The following SLC51B variants were observed in gnomAD, a reference collection of about 807,000 sequenced individuals.
The protein encoded by SLC51B is SLC51 subunit beta.
In SLC51B, 6 loss-of-function variants were observed where a neutral mutation model predicts 8.0. That is an observed-to-expected ratio of 0.75 (90% confidence interval 0.41 to 1.48). The LOEUF is 1.48. Among genes scored for constraint, SLC51B ranks in the 40% most tolerant of loss-of-function variants. The pLI is 0.01. For synonymous variants in SLC51B, 61 were observed against 54.8 expected, an observed-to-expected ratio of 1.11 and a Z score of -0.50; for missense variants, 150 against 149.7, an observed-to-expected ratio of 1.00 and a Z score of -0.01.
chr15:65,050,464 C>T (rs2086635798), intron 2 of SLC51B, among the ~76,000 whole-genome samples: 1 of 152,122 alleles, frequency 6.6e-6, no homozygotes, highest in South Asian at 2.1e-4. Flanking sequence ...ACGCATAGTG[C>T]GTTGGTGATG....
At chr15:65,051,839 A>T (rs1453767604) in intron 3 of SLC51B, among the ~76,000 whole-genome samples, 1 of 152,216 alleles carries the variant, frequency 6.6e-6, no homozygotes, top group Non-Finnish European at 1.5e-5. Flanking sequence ...GACAGGAAGC[A>T]GGCATGACCT....
Position 65,053,175 on chromosome 15 carries a change from G to C in SLC51B, c.*11G>C, listed in dbSNP as rs763965192. 6.2e-7 allele frequency: 1 copy of C among 1,613,336 alleles called. No homozygotes were observed. The highest frequency in any genetic ancestry group is 8.5e-7 in the Non-Finnish European group (1 of 1,180,002). The stretch of plus-strand genomic sequence containing the variant: ...GAAACTGAGAGCTAGTGAGGGTTCA[G>C]AGAAGCCCCATCCTAAGCCAGACAC... On this transcript the variant is annotated 3_prime_UTR_variant, in exon 4 of 4. Transcript: ENST00000334287.
rs147127925 is a variant in SLC51B at position 65,050,119 on chromosome 15, G to A, written c.97+18G>A. The A allele has an allele frequency of 3.9e-6, 6 of 1,546,424 alleles. No homozygotes were observed. Among genetic ancestry groups the A allele is most frequent in the East Asian group, 2.4e-5 (1 of 40,848 alleles). On this transcript the variant is annotated intron_variant, in intron 2 of 3. Coordinates refer to ENST00000334287, the MANE Select transcript of SLC51B (RefSeq NM_178859.4). ...GGAAGATGGTAAGTGGTGAGAGATT[G>A]ACGGCAGGGGTGGGGGTGTGCCCCT...
rs970060869 is a variant in SLC51B, at chr15:65,053,388, T to G, written c.*224T>G. On this transcript the variant is annotated 3_prime_UTR_variant, in exon 4 of 4. Transcript: ENST00000334287. Reference sequence around the variant, plus strand: ...TAAAATGCTCCTGGAAGGGAGCAGGTGGTATTGCATAGTTTGTTCAGATGG... The same window carrying G: ...TAAAATGCTCCTGGAAGGGAGCAGGGGGTATTGCATAGTTTGTTCAGATGG... The G allele has an allele frequency of 1.5e-6, 2 of 1,365,848 alleles. No individual in the cohort carries two copies. Among genetic ancestry groups the G allele is most frequent in the East Asian group, 5.9e-5 (2 of 33,864 alleles). 84.6% of individuals were successfully genotyped at this position (1,365,848 alleles called of 1,614,324 possible).
intron 1 of SLC51B, among the ~76,000 whole-genome samples, chr15:65,045,968 C>A (rs2086572004): frequency 6.6e-6 from 1 of 152,148 alleles, no homozygotes; most frequent in Admixed American, 6.5e-5. Flanking sequence ...GAGTTCGAGA[C>A]CACCCCGGCT....
intron 3 of SLC51B, 34 bp from the exon 4 acceptor site, chr15:65,052,932 C>T (rs2086674367): frequency 3.4e-6 from 4 of 1,170,614 alleles, no homozygotes; most frequent in East Asian, 2.8e-5. Flanking sequence ...AACCACTCAG[C>T]CCCCCTCATT....
chr15:65,045,904 G>A (rs892687665), intron 1 of SLC51B, among the ~76,000 whole-genome samples: 3 of 152,232 alleles, frequency 2.0e-5, no homozygotes, highest in Admixed American at 2.0e-4. Flanking sequence ...AGTGGCTCAC[G>A]CCTGTAATTC....
At position 65,052,960 on chromosome 15, in the gene SLC51B, C is replaced by T. The variant is rs377515714; in HGVS notation, c.189-6C>T. On this transcript the variant is annotated splice_polypyrimidine_tract_variant and splice_region_variant and intron_variant, in intron 3 of 3. Transcript: ENST00000334287. ...CCCTCATTAACACTGTTCCCTGTCC[C>T]CCCAGAAAAGAAAAGATGCAGCCAC... 2.7e-5 allele frequency: 41 copies of T among 1,543,278 alleles called. No individual in the cohort carries two copies. The highest frequency in any genetic ancestry group is 3.4e-5 in the Non-Finnish European group (39 of 1,136,642).
In SLC51B at chr15:65,050,012, A is replaced by T. The variant is rs996863106; in HGVS notation, c.8A>T (p.His3Leu). 3.9e-6 allele frequency: 6 copies of T among 1,551,098 alleles called. No homozygotes were observed. The highest frequency in any genetic ancestry group is 3.3e-4 in the Middle Eastern group (2 of 6,014). The change falls in exon 2 of 4, where the codon CAC (histidine) becomes CTC (leucine). Residue 3 changes from histidine (H) to leucine (L), a missense_variant. His to Leu is a moderately conservative substitution (Grantham distance 99, BLOSUM62 -3). Transcript: ENST00000334287. ...GCTACCAGGAGCAGGGGCATGGAGCACAGTGAGGGGGCTCCCGGAGACCCA... is the reference window on the plus strand; with the variant it reads ...GCTACCAGGAGCAGGGGCATGGAGCTCAGTGAGGGGGCTCCCGGAGACCCA... ME[H>L]SEGAPGDPAG...
intron 1 of SLC51B, among the ~76,000 whole-genome samples, chr15:65,047,081 G>T (rs2086585721): frequency 1.3e-5 from 2 of 152,118 alleles, no homozygotes; most frequent in Admixed American, 1.3e-4. Context: ...CAAAGGCTGG[G>T]TGCAGTGGCT....
At position 65,049,731 on chromosome 15, in the gene SLC51B, A is replaced by C. The variant is rs530945471; in HGVS notation, c.-108-166A>C. On this transcript the variant is annotated intron_variant, in intron 1 of 3. Transcript: ENST00000334287. ...TGCGATGGCTTTTAATAAATATTTGAGTCACTCCCACTTCCAGTCTCTGCC... is the reference window on the plus strand; with the variant it reads ...TGCGATGGCTTTTAATAAATATTTGCGTCACTCCCACTTCCAGTCTCTGCC... The C allele has an allele frequency of 3.2e-4, 100 of 314,180 alleles. No homozygotes were observed. The East Asian group carries it at 4.5e-3, about 14-fold the overall frequency. 19.5% of individuals were successfully genotyped at this position (314,180 alleles called of 1,614,324 possible). A position where few individuals can be genotyped will look rare whatever the true frequency, so the allele number is the denominator to read the frequency against.
At chr15:65,052,889 C>G in intron 3 of SLC51B, 77 bp from the exon 4 acceptor site, 2 of 1,412,314 alleles carry the variant, frequency 1.4e-6, no homozygotes, top group South Asian at 1.2e-5. Context: ...CCCTTAGACT[C>G]TTTAAGCCAT....
chr15:65,050,836 C>CTTTTTTTTTTTTTTTTTTTCT (rs57404080), intron 2 of SLC51B, among the ~76,000 whole-genome samples: 1 of 95,650 alleles, frequency 1.0e-5, no homozygotes, highest in Non-Finnish European at 1.9e-5. Flanking sequence ...TCTTCTTCTT[C>CTTTTTTTTTTTTTTTTTTTCT]TTTTTTTTTT....
At position 65,048,521 on chromosome 15, in the gene SLC51B, G is replaced by C. The variant is rs1414393692; in HGVS notation, c.-108-1376G>C. Among the ~76,000 whole-genome samples the C allele has an allele frequency of 3.9e-5, 6 of 152,336 alleles. No homozygotes were observed. The South Asian group carries it at 6.2e-4, about 16-fold the overall frequency. On this transcript the variant is annotated intron_variant, in intron 1 of 3. Transcript: ENST00000334287. ...GTTGAGCACCTAAGGCAGTGACAGA[G>C]TGTGAGGGGACCTGAGAATGCTTCG... is the stretch of plus-strand genomic sequence containing the variant.
chr15:65,049,805 A>C, intron 1 of SLC51B, 92 bp from the exon 2 acceptor site: 57 of 410,986 alleles, frequency 1.4e-4, no homozygotes, highest in East Asian at 1.2e-4. Context: ...TTTTTGTCCC[A>C]TAACTTTGGG....
In SLC51B at chr15:65,053,001, C is replaced by T. The variant is rs574380553; in HGVS notation, c.224C>T (p.Pro75Leu). Residue 75 changes from proline to leucine, a missense_variant, in exon 4 of 4, where the codon CCA (proline) becomes CTA (leucine). Coordinates refer to ENST00000334287, the MANE Select transcript of SLC51B (RefSeq NM_178859.4). ...EKMQPPEKETPEVLHLDEAKD... is the reference protein window; with the variant it reads ...EKMQPPEKETLEVLHLDEAKD... The stretch of plus-strand genomic sequence containing the variant: ...ATGCAGCCACCAGAAAAAGAAACTC[C>T]AGAAGTCCTGCATTTGGATGAGGCC... 9.3e-6 allele frequency: 15 copies of T among 1,613,738 alleles called. No homozygotes were observed. In the East Asian group the frequency reaches 3.1e-4, roughly 34 times the overall value.
At chr15:65,046,625 T>C (rs1332736223) in intron 1 of SLC51B, among the ~76,000 whole-genome samples, 1 of 151,962 alleles carries the variant, frequency 6.6e-6, no homozygotes, top group Non-Finnish European at 1.5e-5. Flanking sequence ...ATTTTAAACA[T>C]ATTTTGGCCA....
intron 1 of SLC51B, among the ~76,000 whole-genome samples, chr15:65,045,901 C>T (rs571164229): frequency 6.6e-6 from 1 of 152,354 alleles, no homozygotes; most frequent in Non-Finnish European, 1.5e-5. Context: ...CGCAGTGGCT[C>T]ACGCCTGTAA....
chr15:65,052,881 C>G, intron 3 of SLC51B, 85 bp from the exon 4 acceptor site: 1 of 1,306,702 alleles, frequency 7.7e-7, no homozygotes, highest in African/African-American at 1.5e-5. Flanking sequence ...GAATTTTCCC[C>G]TTAGACTCTT....
Sources: gnomAD v4.1 joint callset for allele counts (sites outside exome capture counted in the v4.1 genomes callset) on GRCh38, gnomAD v4.1.1 for gene constraint, MANE v1.5 for transcripts, NCBI Gene and HGNC (gene_info 2026-07-23, HGNC 2026-07-21) for gene names.